Variants in GALNT14 observed in about 807,000 individuals in gnomAD.
GALNT14 encodes the protein polypeptide N-acetylgalactosaminyltransferase 14, also known as UDP-GalNAc:polypeptide N-acetylgalactosaminyltransferase 14.
In GALNT14, 60 loss-of-function variants were observed where a neutral mutation model predicts 77.5. The observed-to-expected ratio is 0.77, with a 90% CI of 0.63 to 0.96. The LOEUF is 0.96. Among genes scored for constraint, GALNT14 ranks in the 40% least tolerant of loss-of-function variants. The pLI is 0.00. For synonymous variants in GALNT14, 280 were observed against 281.7 expected, an observed-to-expected ratio of 0.99 and a Z score of 0.06; for missense variants, 710 against 731.0, an observed-to-expected ratio of 0.97 and a Z score of 0.33.
the GALNT14 span, among the ~76,000 whole-genome samples, chr2:30,898,740 T>C: frequency 6.6e-6 from 1 of 152,138 alleles, no homozygotes; most frequent in South Asian, 2.1e-4. Context: ...GAGAGATGTT[T>C]CTGCCACTCA....
At chr2:31,071,522 G>A (rs1217557492) in intron 1 of GALNT14, among the ~76,000 whole-genome samples, 1 of 152,158 alleles carries the variant, frequency 6.6e-6, no homozygotes, top group Non-Finnish European at 1.5e-5. Context: ...TGCCCACCTA[G>A]ACAGACAGGC....
intron 1 of GALNT14, among the ~76,000 whole-genome samples, chr2:31,118,407 A>C (rs1678224652): frequency 6.6e-6 from 1 of 152,226 alleles, no homozygotes; most frequent in South Asian, 2.1e-4. Context: ...CATAAATAAA[A>C]ATAAACTGTA....
intron 1 of GALNT14, among the ~76,000 whole-genome samples, chr2:31,066,704 C>T (rs1674987958): frequency 6.6e-6 from 1 of 152,058 alleles, no homozygotes; most frequent in South Asian, 2.1e-4. Context: ...GGCTCAGCTG[C>T]AGGTGCACAG....
intron 1 of GALNT14, among the ~76,000 whole-genome samples, chr2:31,104,667 A>G (rs1677462257): frequency 6.6e-6 from 1 of 152,184 alleles, no homozygotes; most frequent in Non-Finnish European, 1.5e-5. Context: ...AAATCTTTGA[A>G]AGTCTGAAAC....
chr2:30,942,172 T>C (rs1374310899), intron 9 of GALNT14, 29 bp downstream of exon 9: 5 of 1,514,166 alleles, frequency 3.3e-6, no homozygotes, highest in South Asian at 1.1e-5. Context: ...TAGAACAGCA[T>C]AGGTCAGGAT....
At chr2:31,079,717 T>C (rs1676038300) in intron 1 of GALNT14, among the ~76,000 whole-genome samples, 1 of 152,182 alleles carries the variant, frequency 6.6e-6, no homozygotes, top group Non-Finnish European at 1.5e-5. Flanking sequence ...AAAAGGGGTC[T>C]GGCACAACAC....
At chr2:31,057,045 G>A (rs184181620) in intron 1 of GALNT14, among the ~76,000 whole-genome samples, 316 of 152,178 alleles carry the variant, frequency 2.1e-3, no homozygotes, top group African/African-American at 7.2e-3. Flanking sequence ...AATCAAATCT[G>A]CATGTTCTCA....
At chr2:31,028,475 C>T (rs1001545232) in intron 1 of GALNT14, among the ~76,000 whole-genome samples, 1 of 152,244 alleles carries the variant, frequency 6.6e-6, no homozygotes, top group Non-Finnish European at 1.5e-5. Flanking sequence ...GGTTTCAGGG[C>T]AACTGCCCTC....
rs141344385 is a variant in GALNT14, at chr2:30,950,040, C to T, written c.655-4170G>A. On this transcript the variant is annotated intron_variant, in intron 6 of 14. Coordinates refer to ENST00000349752, the MANE Select transcript of GALNT14 (RefSeq NM_024572.4). ...ACTAAATCAGCCAGCTCTGGGGACT[C>T]GGTTTTTCATCTATAAAAGAAAGAC... Among the ~76,000 whole-genome samples, 17 of 152,180 alleles carry T rather than the reference C, an allele frequency of 1.1e-4. No homozygotes were observed. In the East Asian group the frequency reaches 3.1e-3, roughly 28 times the overall value.
At chr2:31,030,334 G>A (rs1475625176) in intron 1 of GALNT14, among the ~76,000 whole-genome samples, 1 of 151,640 alleles carries the variant, frequency 6.6e-6, no homozygotes, top group Non-Finnish European at 1.5e-5. Context: ...CACCAGGGCT[G>A]GATGGAAAAA....
At chr2:31,129,171 C>T (rs1215099937) in intron 1 of GALNT14, 6 of 157,612 alleles carry the variant, frequency 3.8e-5, no homozygotes, top group African/African-American at 7.2e-5. Flanking sequence ...GTCAAAAGAG[C>T]GAGTTGAAGC....
In GALNT14 at chr2:31,080,644, G is replaced by C. The variant is rs566866550; in HGVS notation, c.129+57314C>G. On this transcript the variant is annotated intron_variant, in intron 1 of 14. Transcript: ENST00000349752. Reference sequence around the variant, plus strand: ...TATTAAAGAAAACCCCCTGTTCTGGGAGTCTCAGATGACGTGGTTTCTCAT... The same window carrying C: ...TATTAAAGAAAACCCCCTGTTCTGGCAGTCTCAGATGACGTGGTTTCTCAT... 4.6e-5 allele frequency among the ~76,000 whole-genome samples: 7 copies of C among 152,320 alleles called. No individual in the cohort carries two copies. In the South Asian group the frequency reaches 1.5e-3, roughly 32 times the overall value.
chr2:31,069,921 T>C (rs4362605), intron 1 of GALNT14, among the ~76,000 whole-genome samples: 7,567 of 152,084 alleles, frequency 0.05, 356 homozygotes, highest in East Asian at 0.25. Context: ...AAGCAGGCAC[T>C]GAGACAGAAA....
At chr2:31,007,649 T>C (rs1381652000) in intron 1 of GALNT14, among the ~76,000 whole-genome samples, 1 of 152,224 alleles carries the variant, frequency 6.6e-6, no homozygotes, top group Non-Finnish European at 1.5e-5. Context: ...GGTAACTGGA[T>C]AGGAATCCAG....
chr2:31,009,243 C>T (rs1670868641), intron 1 of GALNT14, among the ~76,000 whole-genome samples: 1 of 152,188 alleles, frequency 6.6e-6, no homozygotes, highest in African/African-American at 2.4e-5. Context: ...ACTGGATGCT[C>T]AGCACTAAGG....
chr2:31,038,662 G>C (rs1460438470), intron 1 of GALNT14, among the ~76,000 whole-genome samples: 4 of 152,094 alleles, frequency 2.6e-5, no homozygotes, highest in Non-Finnish European at 5.9e-5. Context: ...TGGTTTTTAA[G>C]ACTACTGCAG....
At chr2:30,945,937 A>T in intron 6 of GALNT14, 67 bp from the exon 7 acceptor site, 1 of 1,354,816 alleles carries the variant, frequency 7.4e-7, no homozygotes, top group Non-Finnish European at 1.1e-6. Context: ...GGAGCTTGGG[A>T]TGGCCTCGTG....
intron 1 of GALNT14, among the ~76,000 whole-genome samples, chr2:31,032,033 G>A (rs1672445746): frequency 1.3e-5 from 2 of 152,340 alleles, no homozygotes; most frequent in South Asian, 4.1e-4. Context: ...AGGCATATTT[G>A]TTCTTATGGA....
intron 13 of GALNT14, among the ~76,000 whole-genome samples, chr2:30,915,128 A>T (rs1048922439): frequency 6.6e-6 from 1 of 150,562 alleles, no homozygotes; most frequent in Admixed American, 6.7e-5. Context: ...CTGATTAAAT[A>T]TAAAAGCCTC....
Sources: allele counts gnomAD v4.1 joint callset (sites outside exome capture counted in the v4.1 genomes callset), GRCh38; gene constraint gnomAD v4.1.1; transcripts MANE v1.5; gene names NCBI Gene and HGNC (gene_info 2026-07-23, HGNC 2026-07-21).